Variants in NRCAM observed in about 807,000 individuals in gnomAD.
The protein encoded by NRCAM is NgCAM-related cell adhesion molecule.
Under a neutral mutation model 156.5 loss-of-function variants are expected in NRCAM, and 83 were observed. The observed-to-expected ratio is 0.53, with a 90% CI of 0.44 to 0.64. NRCAM has a LOEUF of 0.64. Ranked by LOEUF, NRCAM falls within the 30% of genes least tolerant of loss-of-function variation. The pLI, the probability that NRCAM is intolerant of heterozygous loss-of-function variation, is 0.00. For missense variants in NRCAM, 1,417 were observed against 1,597.3 expected (o/e 0.89, Z 1.92); for synonymous variants, 538 against 563.9 (o/e 0.95, Z 0.65).
chr7:108,448,779 C>T (rs2300053), intron 1 of NRCAM, among the ~76,000 whole-genome samples: 92,541 of 151,942 alleles, frequency 0.61, 28,633 homozygotes, highest in African/African-American at 0.73. Context: ...GGACTCCCAC[C>T]GGGAGCAGAA....
chr7:108,160,182 T>C (rs11974486), intron 31 of NRCAM, among the ~76,000 whole-genome samples, 179 bp downstream of exon 31: 37,298 of 152,112 alleles, frequency 0.25, 6,006 homozygotes, highest in Non-Finnish European at 0.36. Flanking sequence ...CTTATGATCA[T>C]TGACAATGTT....
intron 2 of NRCAM, among the ~76,000 whole-genome samples, chr7:108,366,383 A>C (rs1013270561): frequency 6.6e-6 from 1 of 152,232 alleles, no homozygotes; most frequent in Non-Finnish European, 1.5e-5. Context: ...CTAATGTAAA[A>C]GTCTTATGAA....
chr7:108,264,642 A>T (rs1408813510), intron 3 of NRCAM, among the ~76,000 whole-genome samples: 1 of 152,228 alleles, frequency 6.6e-6, no homozygotes, highest in African/African-American at 2.4e-5. Context: ...TAGTCTCCTA[A>T]TGGCAACCCA....
At chr7:108,259,189 T>C (rs1049469738) in intron 3 of NRCAM, among the ~76,000 whole-genome samples, 1 of 152,214 alleles carries the variant, frequency 6.6e-6, no homozygotes, top group Admixed American at 6.5e-5. Context: ...TGTACTTTTA[T>C]AAGCATACTC....
chr7:108,450,576 T>C (rs1020329197), intron 1 of NRCAM, among the ~76,000 whole-genome samples: 2 of 152,000 alleles, frequency 1.3e-5, no homozygotes, highest in African/African-American at 2.4e-5. Context: ...AAATTTGCTC[T>C]TGTTCTAGAT....
At position 108,243,444 on chromosome 7, in the gene NRCAM, C is replaced by T. The variant is rs372949950; in HGVS notation, c.-106-3274G>A. Among the ~76,000 whole-genome samples, 41 of 152,302 alleles carry T rather than the reference C, an allele frequency of 2.7e-4. 1 individual carries two copies. The South Asian group carries it at 8.3e-3, about 31-fold the overall frequency. On this transcript the variant is annotated intron_variant, in intron 3 of 32. Transcript: ENST00000379028. The stretch of plus-strand genomic sequence containing the variant: ...TGATATTGACGTCAATTCTTTGACT[C>T]AGTAGGAGTCCATCTGCCTTGTACT...
intron 1 of NRCAM, among the ~76,000 whole-genome samples, chr7:108,434,010 T>G (rs1049128239): frequency 1.2e-4 from 19 of 152,194 alleles, no homozygotes; most frequent in Admixed American, 1.2e-3. Context: ...TCTCCCTAGA[T>G]AGCCATCATA....
intron 3 of NRCAM, among the ~76,000 whole-genome samples, chr7:108,300,569 A>C (rs898984559): frequency 5.3e-5 from 8 of 152,204 alleles, no homozygotes; most frequent in African/African-American, 1.9e-4. Context: ...GAAAAGACTA[A>C]GTCAAATTTC....
chr7:108,229,975 T>C (rs1428898884), intron 8 of NRCAM, among the ~76,000 whole-genome samples: 2 of 152,132 alleles, frequency 1.3e-5, no homozygotes, highest in Non-Finnish European at 2.9e-5. Context: ...TAATTGGACA[T>C]GCCTCATAGG....
chr7:108,168,874 A>G (rs897026064), intron 28 of NRCAM, among the ~76,000 whole-genome samples: 36 of 152,224 alleles, frequency 2.4e-4, no homozygotes, highest in African/African-American at 8.7e-4. Context: ...TTGGTGTGAC[A>G]GAGAATGCCC....
chr7:108,420,359 G>A (rs1263714409), intron 1 of NRCAM, among the ~76,000 whole-genome samples: 1 of 152,128 alleles, frequency 6.6e-6, no homozygotes, highest in Non-Finnish European at 1.5e-5. Flanking sequence ...TCCCCAAACA[G>A]TGAGCACTAC....
At chr7:108,360,632 G>T (rs2154317183) in intron 2 of NRCAM, among the ~76,000 whole-genome samples, 1 of 152,324 alleles carries the variant, frequency 6.6e-6, no homozygotes, top group Non-Finnish European at 1.5e-5. Context: ...AGTGGACACT[G>T]CTGTGAGTAG....
chr7:108,309,119 G>T (rs1296487803), intron 3 of NRCAM, among the ~76,000 whole-genome samples: 1 of 152,196 alleles, frequency 6.6e-6, no homozygotes, highest in Non-Finnish European at 1.5e-5. Flanking sequence ...CATTTCAGTG[G>T]TAAGTAGTCA....
chr7:108,363,552 C>T (rs2099572898), intron 2 of NRCAM, among the ~76,000 whole-genome samples: 1 of 152,126 alleles, frequency 6.6e-6, no homozygotes, highest in African/African-American at 2.4e-5. Flanking sequence ...CCAGCCCAAC[C>T]CTCTACTTCT....
intron 2 of NRCAM, among the ~76,000 whole-genome samples, chr7:108,361,780 C>T (rs56100765): frequency 0.094 from 14,323 of 151,942 alleles, 786 homozygotes; most frequent in African/African-American, 0.15. Context: ...TGTAAATGTA[C>T]GTATATATGT....
At chr7:108,153,560 A>G (rs957120133) in intron 32 of NRCAM, among the ~76,000 whole-genome samples, 4 of 152,114 alleles carry the variant, frequency 2.6e-5, no homozygotes, top group African/African-American at 9.7e-5. Context: ...AATAATAATA[A>G]TGATGGCTGC....
chr7:108,194,774 T>C (rs542819063), intron 15 of NRCAM, among the ~76,000 whole-genome samples: 3 of 152,238 alleles, frequency 2.0e-5, no homozygotes, highest in Non-Finnish European at 4.4e-5. Flanking sequence ...ACCTCAGTAG[T>C]TGGAACTTAG....
intron 1 of NRCAM, among the ~76,000 whole-genome samples, chr7:108,450,641 C>T (rs968750596): frequency 6.6e-6 from 1 of 152,128 alleles, no homozygotes; most frequent in Admixed American, 6.5e-5. Flanking sequence ...TTTAACTTAT[C>T]CTCATAGCAA....
At chr7:108,349,244 T>C (rs537050167) in intron 2 of NRCAM, among the ~76,000 whole-genome samples, 1 of 152,214 alleles carries the variant, frequency 6.6e-6, no homozygotes, top group Admixed American at 6.5e-5. Context: ...TTCTTGTTAC[T>C]GCTCTTTAAA....
Sources: allele counts gnomAD v4.1 joint callset (sites outside exome capture counted in the v4.1 genomes callset), GRCh38; gene constraint gnomAD v4.1.1; transcripts MANE v1.5; gene names NCBI Gene and HGNC (gene_info 2026-07-23, HGNC 2026-07-21).